Variants in SCLT1 observed in about 807,000 individuals in gnomAD.
SCLT1 encodes the protein sodium channel and clathrin linker 1.
In SCLT1, 78 loss-of-function variants were observed where a neutral mutation model predicts 112.8. That is an observed-to-expected ratio of 0.69 (90% CI 0.58 to 0.83). The LOEUF (loss-of-function observed/expected upper bound fraction) is 0.83. Among genes scored for constraint, SCLT1 ranks in the 40% least tolerant of loss-of-function variants. The pLI is 0.00. For missense variants in SCLT1, 747 were observed against 770.4 expected (o/e 0.97, Z 0.36); for synonymous variants, 257 against 254.7 (o/e 1.01, Z -0.09).
intron 20 of SCLT1, among the ~76,000 whole-genome samples, chr4:128,887,671 C>G (rs1325966202): frequency 6.6e-6 from 1 of 152,100 alleles, no homozygotes; most frequent in African/African-American, 2.4e-5. Flanking sequence ...GACTATTGCT[C>G]CTACTTTACA....
intron 10 of SCLT1, among the ~76,000 whole-genome samples, chr4:128,966,361 T>G (rs148769321): frequency 1.9e-4 from 29 of 152,224 alleles, no homozygotes; most frequent in African/African-American, 7.0e-4. Flanking sequence ...CATCTTGAAC[T>G]TACCCAATTT....
intron 9 of SCLT1, among the ~76,000 whole-genome samples, chr4:128,980,662 G>A (rs894218570): frequency 1.3e-5 from 2 of 152,142 alleles, no homozygotes; most frequent in Non-Finnish European, 2.9e-5. Context: ...CAAACTTTGA[G>A]ATTACTGGTA....
intron 2 of SCLT1, among the ~76,000 whole-genome samples, chr4:129,080,482 A>G (rs1751842553): frequency 6.6e-6 from 1 of 152,200 alleles, no homozygotes; most frequent in African/African-American, 2.4e-5. Context: ...GCAGGGGCAC[A>G]AAGCTGCCAG....
intron 5 of SCLT1, among the ~76,000 whole-genome samples, chr4:129,010,171 T>C (rs1744393077): frequency 6.6e-6 from 1 of 152,224 alleles, no homozygotes; most frequent in Non-Finnish European, 1.5e-5. Flanking sequence ...ATTTATTGAA[T>C]AGGAGTCCTT....
chr4:128,895,492 A>G (rs1733669164), intron 18 of SCLT1, among the ~76,000 whole-genome samples: 1 of 152,098 alleles, frequency 6.6e-6, no homozygotes, highest in South Asian at 2.1e-4. Flanking sequence ...TATTTTTTAG[A>G]TTGTGTTTTT....
chr4:129,012,459 A>G (rs1744617027), intron 5 of SCLT1, among the ~76,000 whole-genome samples: 2 of 152,220 alleles, frequency 1.3e-5, no homozygotes, highest in South Asian at 4.1e-4. Flanking sequence ...ATTTTAGAAC[A>G]TGTGCCATGT....
chr4:128,941,005 G>GT (rs575619148), intron 17 of SCLT1, among the ~76,000 whole-genome samples: 17 of 150,498 alleles, frequency 1.1e-4, no homozygotes, highest in Middle Eastern at 3.4e-3. Flanking sequence ...ACTGCCTACT[G>GT]TTTTTTTTTC....
intron 5 of SCLT1, among the ~76,000 whole-genome samples, chr4:129,031,304 G>A (rs897158209): frequency 6.6e-6 from 1 of 151,922 alleles, no homozygotes; most frequent in Non-Finnish European, 1.5e-5. Flanking sequence ...TATTAATGGA[G>A]CATTTCTCAA....
At chr4:128,945,911 G>A in intron 16 of SCLT1, 96 bp downstream of exon 16, 1 of 718,242 alleles carries the variant, frequency 1.4e-6, no homozygotes, top group Admixed American at 2.8e-5. Flanking sequence ...AAGATATATT[G>A]TAAGTCCTAC....
chr4:128,893,951 G>T (rs1420550937), intron 18 of SCLT1, among the ~76,000 whole-genome samples: 2 of 150,814 alleles, frequency 1.3e-5, no homozygotes, highest in Non-Finnish European at 3.0e-5. Flanking sequence ...TTGTTTGTTT[G>T]TTTTTTGAGA....
intron 18 of SCLT1, among the ~76,000 whole-genome samples, chr4:128,901,680 A>C (rs1734314309): frequency 6.6e-6 from 1 of 151,974 alleles, no homozygotes; most frequent in South Asian, 2.1e-4. Context: ...ATAAAAAAAA[A>C]ATTAAAAAAA....
chr4:129,015,968 C>T (rs554084416), intron 5 of SCLT1, among the ~76,000 whole-genome samples: 5 of 152,266 alleles, frequency 3.3e-5, no homozygotes, highest in Non-Finnish European at 1.5e-5. Flanking sequence ...ATCTTCTTGT[C>T]TCTCTGCTTC....
chr4:128,930,839 T>C (rs958279996), intron 18 of SCLT1, among the ~76,000 whole-genome samples: 5 of 152,134 alleles, frequency 3.3e-5, no homozygotes, highest in Non-Finnish European at 7.4e-5. Context: ...AGGTAAGATG[T>C]AAAGCTGCAG....
At chr4:128,892,684 C>T (rs534029556) in intron 18 of SCLT1, among the ~76,000 whole-genome samples, 39 of 152,232 alleles carry the variant, frequency 2.6e-4, no homozygotes, top group African/African-American at 7.0e-4. Flanking sequence ...ACTGAACATT[C>T]GTTACAGGCC....
chr4:129,083,599 T>C lies in SCLT1; in HGVS notation c.35-1226A>G, dbSNP rs529584592. ...TGGAGCCTAGGAGTTTGAGGCTACT[T>C]TGAGGCTACAGTGAGCTATGATTGC... On this transcript the variant is annotated intron_variant, in intron 1 of 20. Transcript: ENST00000281142. Among the ~76,000 whole-genome samples the C allele has an allele frequency of 2.0e-5, 3 of 152,234 alleles. No individual in the cohort carries two copies. In the East Asian group the frequency reaches 5.8e-4, roughly 29 times the overall value.
At chr4:128,949,499 A>G (rs1738508019) in intron 14 of SCLT1, among the ~76,000 whole-genome samples, 1 of 151,952 alleles carries the variant, frequency 6.6e-6, no homozygotes, top group Non-Finnish European at 1.5e-5. Flanking sequence ...ATTTAGCATT[A>G]GGTATATCTC....
In SCLT1 at chr4:129,093,430, T is replaced by G. The variant is rs1170816669; in HGVS notation, c.-327A>C. 1 of 314,378 alleles carries G rather than the reference T, an allele frequency of 3.2e-6. No homozygotes were observed. The highest frequency in any genetic ancestry group is 5.9e-6 in the Non-Finnish European group (1 of 169,900). The allele number at this position is 314,378 out of a possible 1,614,324, so 19.5% of individuals were successfully genotyped here. ...GGTCTCGTCGGGCCACCTAGGAGAG[T>G]GCCGCGGGAGCTTGACGGCAGCCTG... is the stretch of plus-strand genomic sequence containing the variant. On this transcript the variant is annotated 5_prime_UTR_variant, in exon 1 of 21. Transcript: ENST00000281142.
intron 20 of SCLT1, among the ~76,000 whole-genome samples, chr4:128,885,795 T>C (rs889170637): frequency 2.6e-5 from 4 of 152,240 alleles, no homozygotes; most frequent in African/African-American, 9.6e-5. Context: ...GCCAGCACAA[T>C]GCATTTCCAA....
At chr4:128,928,392 A>T (rs1736474112) in intron 18 of SCLT1, among the ~76,000 whole-genome samples, 1 of 152,290 alleles carries the variant, frequency 6.6e-6, no homozygotes, top group Non-Finnish European at 1.5e-5. Flanking sequence ...CCAGAAATAT[A>T]TATAAGGAGA....
Sources: gnomAD v4.1 joint callset for allele counts (sites outside exome capture counted in the v4.1 genomes callset) on GRCh38, gnomAD v4.1.1 for gene constraint, MANE v1.5 for transcripts, NCBI Gene and HGNC (gene_info 2026-07-23, HGNC 2026-07-21) for gene names.